CCT6B: variants seen among roughly 807,000 people sequenced by gnomAD.
CCT6B encodes chaperonin containing TCP1 subunit 6B, also known as probable T-complex protein 1 subunit zeta-2.
A neutral mutation model predicts 61.5 loss-of-function variants in CCT6B; 49 were observed. The observed-to-expected ratio is 0.80, with a 90% confidence interval of 0.63 to 1.01. CCT6B has a LOEUF of 1.01. Among genes scored for constraint, CCT6B ranks in the 50% least tolerant of loss-of-function variants. CCT6B has a pLI of 0.00. For synonymous variants in CCT6B, 228 were observed against 214.5 expected (o/e 1.06, Z -0.55); for missense variants, 666 against 634.7 (o/e 1.05, Z -0.53).
At chr17:34,949,103 A>AAAGAAAAGAC (rs2090261001) in intron 5 of CCT6B, among the ~76,000 whole-genome samples, 1 of 147,104 alleles carries the variant, frequency 6.8e-6, no homozygotes. Flanking sequence ...AGGGAAAAGA[A>AAAGAAAAGAC]AAGAGAAAAG....
intron 10 of CCT6B, among the ~76,000 whole-genome samples, chr17:34,937,773 AG>A (rs1484184981): frequency 6.6e-6 from 1 of 152,212 alleles, no homozygotes; most frequent in African/African-American, 2.4e-5. Flanking sequence ...TAAGCCACAG[AG>A]GAGAAAAATT....
At position 34,961,395 on chromosome 17, in the gene CCT6B, G is replaced by A. The variant is rs2090416276; in HGVS notation, c.-2C>T. Reference sequence around the variant, plus strand: ...GTTGACGGCCTTTATCGCAGCCATAGCCTAACCGTTCAGAGGGAGAAAAAA... The same window carrying A: ...GTTGACGGCCTTTATCGCAGCCATAACCTAACCGTTCAGAGGGAGAAAAAA... On this transcript the variant is annotated 5_prime_UTR_variant, in exon 1 of 14. Transcript: ENST00000314144. The A allele has an allele frequency of 1.3e-6, 2 of 1,596,928 alleles. No homozygotes were observed. Among genetic ancestry groups the A allele is most frequent in the African/African-American group, 2.7e-5 (2 of 73,720 alleles).
chr17:34,954,380 T>A (rs765634865), intron 4 of CCT6B, 46 bp downstream of exon 4: 2 of 1,400,800 alleles, frequency 1.4e-6, no homozygotes, highest in East Asian at 2.4e-5. Context: ...AATATCACCA[T>A]GCATTAGGCT....
rs548745808 is a variant in CCT6B at position 34,942,018 on chromosome 17, A to G, written c.885+466T>C. Among the ~76,000 whole-genome samples the G allele has an allele frequency of 2.9e-4, 44 of 152,080 alleles. No homozygotes were observed. The South Asian group carries it at 8.5e-3, about 29-fold the overall frequency. On this transcript the variant is annotated intron_variant, in intron 7 of 13. Coordinates refer to ENST00000314144, the MANE Select transcript of CCT6B (RefSeq NM_006584.4). ...GTGCCACCCAAGCACTCCAGCTTGG[A>G]TGACAGAACAAGACCCTGTCTCAAA...
intron 10 of CCT6B, among the ~76,000 whole-genome samples, chr17:34,934,374 C>T (rs2090071653): frequency 1.3e-5 from 2 of 152,102 alleles, no homozygotes; most frequent in African/African-American, 2.4e-5. Context: ...CTGCAAAAGG[C>T]CAGTTAATAT....
chr17:34,937,956 A>G (rs2090113406), intron 10 of CCT6B, among the ~76,000 whole-genome samples: 1 of 151,164 alleles, frequency 6.6e-6, no homozygotes, highest in Non-Finnish European at 1.5e-5. Context: ...TGGTGTGATC[A>G]TAGCTCACTG....
intron 13 of CCT6B, 96 bp downstream of exon 13, chr17:34,928,866 C>T: frequency 1.5e-6 from 1 of 656,794 alleles, no homozygotes; most frequent in Non-Finnish European, 2.6e-6. Context: ...GACAATTTTT[C>T]CACTGTACAG....
intron 5 of CCT6B, among the ~76,000 whole-genome samples, chr17:34,947,566 A>C (rs1373100563): frequency 6.6e-6 from 1 of 152,222 alleles, no homozygotes; most frequent in Non-Finnish European, 1.5e-5. Flanking sequence ...ATAAAGATAA[A>C]GGCATTTTCA....
chr17:34,960,054 A>C (rs1046083475), intron 1 of CCT6B, among the ~76,000 whole-genome samples: 4 of 152,180 alleles, frequency 2.6e-5, no homozygotes, highest in Non-Finnish European at 5.9e-5. Flanking sequence ...TATCAATTCT[A>C]CTACCTAAAT....
Position 34,954,475 on chromosome 17 carries a change from G to C in CCT6B, c.461C>G (p.Thr154Arg). The C allele has an allele frequency of 6.2e-7, 1 of 1,613,436 alleles. No individual in the cohort carries two copies. The highest frequency in any genetic ancestry group is 8.5e-7 in the Non-Finnish European group (1 of 1,179,676). Residue 154 changes from threonine to arginine, a missense_variant, in exon 4 of 14, where the codon ACA (threonine) becomes AGA (arginine). Physicochemically the swap from Thr to Arg is moderately conservative, Grantham distance 71. Coordinates refer to ENST00000314144, the MANE Select transcript of CCT6B (RefSeq NM_006584.4). ...KRKILLDVAR[T>R]SLQTKVHAEL... ...AGCATGAACTTTAGTTTGTAATGAT[G>C]TTCTAGCTACATCTAAGAGGATTTT...
chr17:34,935,489 T>C (rs2090083645), intron 10 of CCT6B, among the ~76,000 whole-genome samples: 1 of 152,228 alleles, frequency 6.6e-6, no homozygotes, highest in African/African-American at 2.4e-5. Flanking sequence ...AAATGCATTA[T>C]AACTAAGTAT....
At position 34,942,633 on chromosome 17, in the gene CCT6B, A is replaced by G. The variant is rs752880569; in HGVS notation, c.736T>C (p.Ser246Pro). The change falls in exon 7 of 14, where the codon TCT becomes CCT. Residue 246 changes from serine (S) to proline (P), a missense_variant. By Grantham distance (74) the Ser-to-Pro change is moderately conservative. Coordinates refer to ENST00000314144, the MANE Select transcript of CCT6B (RefSeq NM_006584.4). Reference sequence around the variant, plus strand: ...TCTGCAGTCTTATAAAAGAAACCAGAGTTCACCTCTCTAAAAGATTAATAA... The same window carrying G: ...TCTGCAGTCTTATAAAAGAAACCAGGGTTCACCTCTCTAAAAGATTAATAA... ...SLEYEKTEVNSGFFYKTAEEK... is the reference protein window; with the variant it reads ...SLEYEKTEVNPGFFYKTAEEK... 6.9e-6 allele frequency: 11 copies of G among 1,583,590 alleles called. 1 individual carries two copies. The South Asian group carries it at 1.2e-4, about 17-fold the overall frequency.
Position 34,927,914 on chromosome 17 carries a change from G to C in CCT6B, c.*134C>G. The C allele has an allele frequency of 1.9e-6, 1 of 523,886 alleles. No individual in the cohort carries two copies. The highest frequency in any genetic ancestry group is 3.4e-6 in the Non-Finnish European group (1 of 293,454). 32.5% of individuals were successfully genotyped at this position (523,886 alleles called of 1,614,324 possible). A position where few individuals can be genotyped will look rare whatever the true frequency, so the allele number is the denominator to read the frequency against. On this transcript the variant is annotated 3_prime_UTR_variant, in exon 14 of 14. Transcript: ENST00000314144. The stretch of plus-strand genomic sequence containing the variant: ...TTATACCTTGATGAAATATTTTTGA[G>C]ACTATTAAGACCCAAAAGACATAAA...
chr17:34,958,278 T>TA (rs539606230), intron 3 of CCT6B, among the ~76,000 whole-genome samples: 9 of 151,744 alleles, frequency 5.9e-5, no homozygotes, highest in Non-Finnish European at 5.9e-5. Context: ...ACCCTGTCTC[T>TA]AAAAAAAATA....
At chr17:34,953,826 C>T (rs544275628) in intron 4 of CCT6B, among the ~76,000 whole-genome samples, 94 of 151,936 alleles carry the variant, frequency 6.2e-4, no homozygotes, top group East Asian at 9.8e-4. Context: ...TGGTGGCACG[C>T]GCCTGTAATC....
chr17:34,928,889 T>A, intron 13 of CCT6B, 73 bp downstream of exon 13: 6 of 885,422 alleles, frequency 6.8e-6, no homozygotes, highest in Non-Finnish European at 1.1e-5. Context: ...ACAAAAATAA[T>A]AGAAAAAATT....
chr17:34,951,310 C>T (rs1555550476), intron 5 of CCT6B, among the ~76,000 whole-genome samples: 1 of 151,984 alleles, frequency 6.6e-6, no homozygotes, highest in Admixed American at 6.5e-5. Context: ...ATGATATTTA[C>T]AGGTGGTATA....
chr17:34,947,238 G>T (rs8072191), intron 5 of CCT6B, among the ~76,000 whole-genome samples: 30,930 of 152,066 alleles, frequency 0.2, 3,698 homozygotes, highest in East Asian at 0.55. Flanking sequence ...ATGAACAAAA[G>T]AAATGTTTAA....
intron 8 of CCT6B, among the ~76,000 whole-genome samples, chr17:34,940,118 T>G (rs1158933770): frequency 6.6e-6 from 1 of 152,178 alleles, no homozygotes; most frequent in Non-Finnish European, 1.5e-5. Flanking sequence ...TCTCTTGAAT[T>G]TATTCCTCCT....
Sources: allele counts gnomAD v4.1 joint callset (sites outside exome capture counted in the v4.1 genomes callset), GRCh38; gene constraint gnomAD v4.1.1; transcripts MANE v1.5; gene names NCBI Gene and HGNC (gene_info 2026-07-23, HGNC 2026-07-21).